The following MEF2C variants were observed in gnomAD, a reference collection of about 807,000 sequenced individuals.
MEF2C encodes myocyte-specific enhancer factor 2C.
In MEF2C, 6 loss-of-function variants were observed where a neutral mutation model predicts 50.5. The observed-to-expected ratio is 0.12, with a 90% CI of 0.07 to 0.23. The LOEUF (loss-of-function observed/expected upper bound fraction) is 0.23. Among genes scored for constraint, MEF2C ranks in the 10% least tolerant of loss-of-function variants. The pLI is 1.00. For synonymous variants in MEF2C, 183 were observed against 228.0 expected, an observed-to-expected ratio of 0.80 and a Z score of 1.78; for missense variants, 276 against 605.0, an observed-to-expected ratio of 0.46 and a Z score of 5.70.
intron 1 of MEF2C, among the ~76,000 whole-genome samples, chr5:88,852,366 T>C (rs1220731836): frequency 6.6e-6 from 1 of 152,136 alleles, no homozygotes; most frequent in African/African-American, 2.4e-5. Context: ...TGAGAAAAGG[T>C]AGTCAGAATT....
At position 88,746,686 on chromosome 5, in the gene MEF2C, C is replaced by T; in HGVS notation, c.637+2384G>A. ...TGTTTTCCTCTGGTGTTATGTGATTCTCTGACATCAGCACGGATATATTCA... is the reference window on the plus strand; with the variant it reads ...TGTTTTCCTCTGGTGTTATGTGATTTTCTGACATCAGCACGGATATATTCA... On this transcript the variant is annotated intron_variant, in intron 6 of 10. Transcript: ENST00000504921. The T allele has an allele frequency of 9.1e-6, 9 of 985,310 alleles. No homozygotes were observed. The South Asian group carries it at 2.8e-4, about 31-fold the overall frequency. 61.0% of individuals were successfully genotyped at this position (985,310 alleles called of 1,614,324 possible).
chr5:88,793,837 C>T (rs1794887721), intron 3 of MEF2C, among the ~76,000 whole-genome samples: 1 of 151,854 alleles, frequency 6.6e-6, no homozygotes, highest in South Asian at 2.1e-4. Context: ...ATATTCCCCT[C>T]CCTGAGTCCA....
chr5:88,782,146 T>A (rs1015963607), intron 3 of MEF2C: 8 of 981,114 alleles, frequency 8.2e-6, no homozygotes, highest in Non-Finnish European at 9.7e-6. Flanking sequence ...ATGTTTCAAT[T>A]TACTGTAAAG....
chr5:88,801,612 G>A (rs753635297), intron 3 of MEF2C, among the ~76,000 whole-genome samples: 6 of 151,478 alleles, frequency 4.0e-5, no homozygotes, highest in East Asian at 3.9e-4. Flanking sequence ...CCTGCCTCTC[G>A]AGTAACTGGG....
intron 10 of MEF2C, among the ~76,000 whole-genome samples, chr5:88,728,091 T>G (rs1268218853): frequency 6.6e-6 from 1 of 152,076 alleles, no homozygotes; most frequent in African/African-American, 2.4e-5. Context: ...GACTAGTTGT[T>G]CCTATGTGTA....
chr5:88,902,367 T>C (rs529069063), intron 1 of MEF2C, among the ~76,000 whole-genome samples: 1 of 152,058 alleles, frequency 6.6e-6, no homozygotes, highest in East Asian at 1.9e-4. Context: ...ATTTGAAATA[T>C]ATATGTAACA....
At chr5:88,732,347 G>C (rs1762065608) in intron 6 of MEF2C, 1 of 154,388 alleles carries the variant, frequency 6.5e-6, no homozygotes, top group Non-Finnish European at 1.4e-5. Flanking sequence ...GGGCATACCA[G>C]CAAGACTGTA....
chr5:88,732,761 G>A (rs2152294773), intron 6 of MEF2C, among the ~76,000 whole-genome samples: 1 of 152,336 alleles, frequency 6.6e-6, no homozygotes, highest in South Asian at 2.1e-4. Context: ...GAGCTGGCAT[G>A]ACAGTGGACT....
chr5:88,881,525 T>G (rs1392411140), intron 1 of MEF2C, among the ~76,000 whole-genome samples: 1 of 152,222 alleles, frequency 6.6e-6, no homozygotes, highest in Non-Finnish European at 1.5e-5. Context: ...TTAAATAAGA[T>G]GTTTTAGTTT....
At chr5:88,788,286 CGCCTCCCGG>C (rs1303810410) in intron 3 of MEF2C, among the ~76,000 whole-genome samples, 2 of 152,068 alleles carry the variant, frequency 1.3e-5, no homozygotes, top group African/African-American at 4.8e-5. Context: ...CTGCAACCTC[CGCCTCCCGG>C]GCTCAAGCAA....
intron 2 of MEF2C, among the ~76,000 whole-genome samples, chr5:88,817,456 T>C (rs1805999023): frequency 6.6e-6 from 1 of 151,960 alleles, no homozygotes; most frequent in Non-Finnish European, 1.5e-5. Flanking sequence ...CTTATATAAT[T>C]TATAATTCAT....
chr5:88,728,005 A>G (rs1759679491), intron 10 of MEF2C, among the ~76,000 whole-genome samples: 2 of 151,988 alleles, frequency 1.3e-5, no homozygotes, highest in African/African-American at 2.4e-5. Context: ...TTATATACAT[A>G]TATTTCTTAA....
intron 2 of MEF2C, among the ~76,000 whole-genome samples, chr5:88,818,704 T>C (rs1003036464): frequency 1.3e-5 from 2 of 152,026 alleles, no homozygotes; most frequent in Admixed American, 6.6e-5. Flanking sequence ...CCTGCTCTGG[T>C]ATCATTCTCT....
At chr5:88,734,863 A>G (rs1763467850) in intron 6 of MEF2C, 1 of 976,534 alleles carries the variant, frequency 1.0e-6, no homozygotes, top group African/African-American at 1.8e-5. Flanking sequence ...CTGAAATGTA[A>G]AATATTTTGA....
At position 88,779,460 on chromosome 5, in the gene MEF2C, T is replaced by C. The variant is rs1024885604; in HGVS notation, c.259-18132A>G. 2.6e-5 allele frequency among the ~76,000 whole-genome samples: 4 copies of C among 152,114 alleles called. No homozygotes were observed. In the East Asian group the frequency reaches 7.7e-4, roughly 29 times the overall value. On this transcript the variant is annotated intron_variant, in intron 3 of 10. Transcript: ENST00000504921. ...TACATTATTGTCGAAGCCAAGCAGATAGATAGAAATCAATGAAAGTTTTGT... is the reference window on the plus strand; with the variant it reads ...TACATTATTGTCGAAGCCAAGCAGACAGATAGAAATCAATGAAAGTTTTGT...
At chr5:88,896,365 C>G (rs552484250) in intron 1 of MEF2C, among the ~76,000 whole-genome samples, 1 of 152,266 alleles carries the variant, frequency 6.6e-6, no homozygotes, top group East Asian at 1.9e-4. Context: ...CCAAAGCCAC[C>G]AGAGGTGTAA....
At position 88,722,636 on chromosome 5, in the gene MEF2C, G is replaced by A; in HGVS notation, c.1390C>T (p.Arg464Cys). 6.2e-7 allele frequency: 1 copy of A among 1,613,450 alleles called. No homozygotes were observed. Among genetic ancestry groups the A allele is most frequent in the Non-Finnish European group, 8.5e-7 (1 of 1,179,732 alleles). The part of the protein sequence containing the change: ...PDERESPSVK[R>C]MRLSEGWAT ...GCCCATCCTTCAGAAAGTCGCATGC[G>A]CTTGACTGAGGGACTTTCCCTTTCG... Residue 464 changes from arginine (R) to cysteine (C), a missense_variant, in exon 11 of 11, where the codon CGC becomes TGC. Arg to Cys is a radical substitution (Grantham distance 180). Around this residue, in one of 2 missense-constraint regions of MEF2C, gnomAD observed 256 missense variants for 468.1 expected, o/e 0.55. Transcript: ENST00000504921.
intron 1 of MEF2C, among the ~76,000 whole-genome samples, chr5:88,834,293 G>T (rs1561261610): frequency 6.6e-6 from 1 of 152,136 alleles, no homozygotes. Flanking sequence ...TATTCTGATT[G>T]TAGATTTCAG....
chr5:88,747,498 G>A (rs1294753728), intron 6 of MEF2C, among the ~76,000 whole-genome samples: 2 of 69,594 alleles, frequency 2.9e-5, no homozygotes. Flanking sequence ...ACAGGCGCCC[G>A]CCACTACGCC....
Sources: gnomAD v4.1 joint callset for allele counts (sites outside exome capture counted in the v4.1 genomes callset) on GRCh38, gnomAD v4.1.1 for gene constraint, gnomAD v4.1.1 regional missense constraint, MANE v1.5 for transcripts, NCBI Gene and HGNC (gene_info 2026-07-23, HGNC 2026-07-21) for gene names.